The following PCDHGA1 variants were observed in gnomAD, a reference collection of about 807,000 sequenced individuals.
PCDHGA1 encodes the protein protocadherin gamma subfamily A, 1.
A neutral mutation model predicts 58.0 loss-of-function variants in PCDHGA1; 32 were observed. The observed-to-expected ratio is 0.55, with a 90% CI of 0.42 to 0.74. The LOEUF (loss-of-function observed/expected upper bound fraction) is 0.74, where lower values mean the gene tolerates loss of function less well. Ranked by LOEUF, PCDHGA1 falls within the 30% of genes least tolerant of loss-of-function variation. The pLI, the probability that PCDHGA1 is intolerant of heterozygous loss-of-function variation, is 0.00. For missense variants in PCDHGA1, 1,205 were observed against 1,182.3 expected (o/e 1.02, Z -0.28); for synonymous variants, 498 against 501.1 (o/e 0.99, Z 0.08).
At chr5:141,457,524 G>A (rs1427291573) in intron 1 of PCDHGA1, among the ~76,000 whole-genome samples, 1 of 152,188 alleles carries the variant, frequency 6.6e-6, no homozygotes, top group African/African-American at 2.4e-5. Context: ...CAATTAATGA[G>A]ACTAGGGTTT....
intron 1 of PCDHGA1, chr5:141,389,364 C>T: frequency 1.2e-6 from 2 of 1,613,854 alleles, no homozygotes; most frequent in Non-Finnish European, 1.7e-6. Context: ...GGCCAGTGAC[C>T]TGGAGCAGCG....
At chr5:141,427,410 G>GA (rs1197961039) in intron 1 of PCDHGA1, 3 of 463,834 alleles carry the variant, frequency 6.5e-6, no homozygotes, top group African/African-American at 2.0e-5. Flanking sequence ...AGATTCGAGA[G>GA]AAAATGGGGA....
chr5:141,351,144 G>A (rs898831176), intron 1 of PCDHGA1: 3 of 1,614,014 alleles, frequency 1.9e-6, no homozygotes, highest in Non-Finnish European at 2.5e-6. Flanking sequence ...CCAAATACTG[G>A]CGACATCACA....
chr5:141,370,872 C>T (rs201155008), intron 1 of PCDHGA1: 244 of 1,613,896 alleles, frequency 1.5e-4, no homozygotes, highest in Non-Finnish European at 1.9e-4. Flanking sequence ...TGCGCAAGAT[C>T]CTGATGTAGG....
At chr5:141,402,087 A>G (rs1388054772) in intron 1 of PCDHGA1, among the ~76,000 whole-genome samples, 1 of 152,224 alleles carries the variant, frequency 6.6e-6, no homozygotes, top group Non-Finnish European at 1.5e-5. Context: ...GAAATAGCAG[A>G]AAAGTTTAAG....
intron 1 of PCDHGA1, among the ~76,000 whole-genome samples, chr5:141,444,253 C>T (rs2154560603): frequency 7.0e-6 from 1 of 142,690 alleles, no homozygotes; most frequent in South Asian, 2.3e-4. Flanking sequence ...CTCACTGCAA[C>T]CTCCGCCTCC....
intron 1 of PCDHGA1, chr5:141,413,959 G>A: frequency 1.9e-6 from 3 of 1,613,372 alleles, no homozygotes; most frequent in Middle Eastern, 3.3e-4. Context: ...TTTGCCTGTG[G>A]GCACTCAGCT....
Position 141,415,142 on chromosome 5 carries a change from C to A in PCDHGA1, c.2422-79665C>A, listed in dbSNP as rs757516335. On this transcript the variant is annotated intron_variant, in intron 1 of 3. Coordinates refer to ENST00000517417, the MANE Select transcript of PCDHGA1 (RefSeq NM_018912.3). The stretch of plus-strand genomic sequence containing the variant: ...GTGGCCGTCCAGGACCACGGCCAGC[C>A]CCCTCTCTCCGCCACTGTCACGCTC... 10 of 1,613,732 alleles carry A rather than the reference C, an allele frequency of 6.2e-6. 1 individual carries two copies. In the South Asian group the frequency reaches 1.1e-4, roughly 18 times the overall value.
chr5:141,344,001 C>T, intron 1 of PCDHGA1: 1 of 1,496,096 alleles, frequency 6.7e-7, no homozygotes, highest in Non-Finnish European at 8.9e-7. Flanking sequence ...AAACTGGAAC[C>T]GAATTCAGAG....
chr5:141,479,616 C>A (rs1371541860), intron 1 of PCDHGA1: 2 of 152,232 alleles, frequency 1.3e-5, no homozygotes, highest in African/African-American at 4.8e-5. Flanking sequence ...TATAGGGAAA[C>A]CATGTCTCTT....
rs367576240 is a variant in PCDHGA1, at chr5:141,350,687, G to T, written c.2421+17582G>T. On this transcript the variant is annotated intron_variant, in intron 1 of 3. Transcript: ENST00000517417. ...CATTGACTTAGAAATTTGTGAGTCA[G>T]CCTTACCCGGGGTAAAATTCTCTCT... 1.1e-4 allele frequency: 172 copies of T among 1,613,894 alleles called. No individual in the cohort carries two copies. The highest frequency in any genetic ancestry group is 1.4e-4 in the Non-Finnish European group (167 of 1,179,912).
At chr5:141,398,372 G>C in intron 1 of PCDHGA1, 1 of 1,437,202 alleles carries the variant, frequency 7.0e-7, no homozygotes, top group Non-Finnish European at 9.7e-7. Context: ...GCAGAGAGCG[G>C]GGAGTTGCTT....
At chr5:141,422,561 A>T in intron 1 of PCDHGA1, 1 of 1,613,992 alleles carries the variant, frequency 6.2e-7, no homozygotes, top group Non-Finnish European at 8.5e-7. Context: ...AATGTGGCAG[A>T]TGACAACGAT....
At chr5:141,404,520 A>C (rs1483361714) in intron 1 of PCDHGA1, 2 of 1,613,916 alleles carry the variant, frequency 1.2e-6, no homozygotes, top group Non-Finnish European at 1.7e-6. Context: ...TTTGACTATG[A>C]GCAGTTTAGA....
intron 1 of PCDHGA1, among the ~76,000 whole-genome samples, chr5:141,358,054 G>A (rs1760803324): frequency 6.6e-6 from 1 of 152,172 alleles, no homozygotes; most frequent in African/African-American, 2.4e-5. Flanking sequence ...GCTAGGCGTG[G>A]TGGTGTGTGC....
At chr5:141,386,096 G>C (rs1029162742) in intron 1 of PCDHGA1, 7 of 152,214 alleles carry the variant, frequency 4.6e-5, no homozygotes, top group African/African-American at 1.7e-4. Flanking sequence ...CAGATGAAGT[G>C]TGTCTGTGGG....
At chr5:141,447,642 T>G (rs1275164919) in intron 1 of PCDHGA1, among the ~76,000 whole-genome samples, 2 of 152,166 alleles carry the variant, frequency 1.3e-5, no homozygotes, top group Non-Finnish European at 2.9e-5. Flanking sequence ...TGAATGATGG[T>G]AGAATTTTCC....
chr5:141,375,706 T>A lies in PCDHGA1; in HGVS notation c.2421+42601T>A, dbSNP rs1771783904. 12 of 1,614,114 alleles carry A rather than the reference T, an allele frequency of 7.4e-6. No individual in the cohort carries two copies. The East Asian group carries it at 2.2e-4, about 30-fold the overall frequency. On this transcript the variant is annotated intron_variant, in intron 1 of 3. Coordinates refer to ENST00000517417, the MANE Select transcript of PCDHGA1 (RefSeq NM_018912.3). ...CAGCCAGCGACAGCGGGGACCCGCCTCTTAGCAGCAACGTGTCACTGAGCC... is the reference window on the plus strand; with the variant it reads ...CAGCCAGCGACAGCGGGGACCCGCCACTTAGCAGCAACGTGTCACTGAGCC...
chr5:141,339,113 A>G (rs756654786), intron 1 of PCDHGA1: 2 of 1,614,238 alleles, frequency 1.2e-6, no homozygotes, highest in Non-Finnish European at 1.7e-6. Flanking sequence ...CGTAGGCAAC[A>G]TCGCCAAGGA....
Sources: allele counts gnomAD v4.1 joint callset (sites outside exome capture counted in the v4.1 genomes callset), GRCh38; gene constraint gnomAD v4.1.1; transcripts MANE v1.5; gene names NCBI Gene and HGNC (gene_info 2026-07-23, HGNC 2026-07-21).